The following NHS variants were observed in gnomAD, a reference collection of about 807,000 sequenced individuals.
NHS encodes the protein actin remodeling regulator NHS.
NHS carries 5 observed loss-of-function variants against 72.5 expected under a neutral mutation model. The ratio of observed to expected loss-of-function variants is 0.07; its 90% CI spans 0.04 to 0.14. The LOEUF (loss-of-function observed/expected upper bound fraction) is 0.14. Ranked by LOEUF, NHS falls within the 10% of genes least tolerant of loss-of-function variation. The probability of loss-of-function intolerance (pLI) is 1.00; values close to 1 mark genes in which losing one functional copy is unlikely to be tolerated. For missense variants in NHS, 1,072 were observed against 1,355.7 expected (o/e 0.79, Z 3.29); for synonymous variants, 464 against 547.7 (o/e 0.85, Z 2.13).
intron 8 of NHS, among the ~76,000 whole-genome samples, chrX:17,731,206 T>TA (rs988962996): frequency 3.8e-5 from 4 of 106,514 alleles, no homozygotes; most frequent in Admixed American, 1.0e-4. Context: ...ATAGTTTAGT[T>TA]AGCAGTATAG....
At chrX:17,555,897 C>A (rs1018134048) in intron 1 of NHS, among the ~76,000 whole-genome samples, 1 of 146 alleles carries the variant, frequency 6.8e-3, no homozygotes, top group African/African-American at 0.019. Flanking sequence ...AGGAACAAAC[C>A]GGAGAGAAAA....
At chrX:17,485,261 A>G (rs2064962856) in intron 1 of NHS, among the ~76,000 whole-genome samples, 1 of 112,608 alleles carries the variant, frequency 8.9e-6, no homozygotes, top group South Asian at 3.6e-4. Flanking sequence ...GAGTATTAGG[A>G]AAAATAAACA....
At chrX:17,514,804 G>C (rs913230439) in intron 1 of NHS, among the ~76,000 whole-genome samples, 1 of 111,788 alleles carries the variant, frequency 8.9e-6, no homozygotes. Context: ...TTTCTCCAAG[G>C]TCTGCTGCAC....
At chrX:17,591,861 C>T (rs754258612) in intron 1 of NHS, among the ~76,000 whole-genome samples, 86 of 111,806 alleles carry the variant, frequency 7.7e-4, no homozygotes, top group Non-Finnish European at 1.2e-3. Flanking sequence ...CCAGCAGGCT[C>T]CCTCATTTCC....
At chrX:17,448,011 C>A in intron 1 of NHS, among the ~76,000 whole-genome samples, 2 of 111,723 alleles carry the variant, frequency 1.8e-5, no homozygotes, top group Admixed American at 1.9e-4. Context: ...TCCCAAGTCC[C>A]CTCCTTGTTG....
In NHS at chrX:17,734,073, G is replaced by A. The variant is rs951661910; in HGVS notation, c.*1609G>A. 8 of 112,283 alleles carry A rather than the reference G, an allele frequency of 7.1e-5. No individual in the cohort carries two copies. The highest frequency in any genetic ancestry group is 2.6e-4 in the African/African-American group (8 of 30,801). The allele number at this position is 112,283 out of a possible 1,213,427, so 9.3% of individuals were successfully genotyped here. A position where few individuals can be genotyped will look rare whatever the true frequency, so the allele number is the denominator to read the frequency against. ...TATGTACTTAGAATAGGTTTTGAAT[G>A]GGAGAGGTAGAACAGAGAGAGAATT... On this transcript the variant is annotated 3_prime_UTR_variant, in exon 9 of 9. Coordinates refer to ENST00000676302, the MANE Select transcript of NHS (RefSeq NM_001291867.2).
chrX:17,397,915 G>A (rs192411703), intron 1 of NHS, among the ~76,000 whole-genome samples: 1 of 112,008 alleles, frequency 8.9e-6, no homozygotes, highest in Admixed American at 9.5e-5. Context: ...TAAGGAAGAA[G>A]CTGTCTGTGT....
intron 1 of NHS, among the ~76,000 whole-genome samples, chrX:17,449,581 G>A (rs1420515103): frequency 8.9e-6 from 1 of 112,137 alleles, no homozygotes; most frequent in Non-Finnish European, 1.9e-5. Flanking sequence ...TTTACTGTAT[G>A]TAAGTGATAT....
intron 1 of NHS, among the ~76,000 whole-genome samples, chrX:17,514,018 A>AG (rs1281603183): frequency 8.9e-6 from 1 of 112,059 alleles, no homozygotes; most frequent in Non-Finnish European, 1.9e-5. Flanking sequence ...CAGTGGTGAC[A>AG]GGCAAAGAGA....
At position 17,497,394 on chromosome X, in the gene NHS, C is replaced by A. The variant is rs2065017944; in HGVS notation, c.565+121072C>A. ...TTGAGTCACTTTATCTGCTTGATCA[C>A]TTTTATATTCTGTAGCTTTAAATAT... On this transcript the variant is annotated intron_variant, in intron 1 of 8. Coordinates refer to ENST00000676302, the MANE Select transcript of NHS (RefSeq NM_001291867.2). Among the ~76,000 whole-genome samples the A allele has an allele frequency of 2.7e-5, 3 of 111,820 alleles. No individual in the cohort carries two copies. In the South Asian group the frequency reaches 1.1e-3, roughly 41 times the overall value.
At chrX:17,536,866 C>T (rs1388477054) in intron 1 of NHS, among the ~76,000 whole-genome samples, 1 of 111,479 alleles carries the variant, frequency 9.0e-6, no homozygotes, top group African/African-American at 3.3e-5. Context: ...TCTTTTTTTC[C>T]ATTCTAAGAC....
At chrX:17,692,749 G>T (rs1392112502) in intron 3 of NHS, among the ~76,000 whole-genome samples, 1 of 110,563 alleles carries the variant, frequency 9.0e-6, no homozygotes, top group Admixed American at 9.7e-5. Flanking sequence ...TCAAACCTCG[G>T]TTCTTCTGCT....
chrX:17,475,714 C>T (rs998159314), intron 1 of NHS, among the ~76,000 whole-genome samples: 1 of 112,199 alleles, frequency 8.9e-6, no homozygotes, highest in Non-Finnish European at 1.9e-5. Flanking sequence ...GTGCATGTCA[C>T]ATATGTACAT....
At chrX:17,592,308 G>C (rs1259222015) in intron 1 of NHS, among the ~76,000 whole-genome samples, 1 of 111,782 alleles carries the variant, frequency 8.9e-6, no homozygotes, top group African/African-American at 3.3e-5. Flanking sequence ...TCAGGACTTT[G>C]TTTGTAGAAT....
chrX:17,570,008 G>A (rs1376033698), intron 1 of NHS, among the ~76,000 whole-genome samples: 2 of 111,677 alleles, frequency 1.8e-5, no homozygotes, highest in African/African-American at 6.5e-5. Flanking sequence ...TGAGGCCTCT[G>A]TTCTGTTCCA....
Position 17,734,621 on chromosome X carries a change from G to GA in NHS, c.*2162dup, listed in dbSNP as rs1423770388. On this transcript the variant is annotated 3_prime_UTR_variant, in exon 9 of 9. Transcript: ENST00000676302. ...CAAAATGTCACACTTTTTCTTAAAA[G>GA]AAAAATATTTTGGGGTTTGAATAAA... The GA allele has an allele frequency of 9.0e-6, 1 of 111,543 alleles. No individual in the cohort carries two copies. Among genetic ancestry groups the GA allele is most frequent in the African/African-American group, 3.3e-5 (1 of 30,492 alleles). The allele number at this position is 111,543 out of a possible 1,213,427, so 9.2% of individuals were successfully genotyped here. A position where few individuals can be genotyped will look rare whatever the true frequency, so the allele number is the denominator to read the frequency against.
At chrX:17,615,487 A>G (rs746456503) in intron 1 of NHS, among the ~76,000 whole-genome samples, 2 of 107,023 alleles carry the variant, frequency 1.9e-5, no homozygotes, top group East Asian at 5.9e-4. Flanking sequence ...CCTGGGATCA[A>G]GCCTCCTACC....
chrX:17,623,425 C>G (rs17273802), intron 1 of NHS, among the ~76,000 whole-genome samples: 12 of 110,822 alleles, frequency 1.1e-4, no homozygotes, highest in African/African-American at 3.7e-4. Context: ...TGCTAGACAG[C>G]GAATGAAGCC....
At chrX:17,477,343 T>C (rs1158095661) in intron 1 of NHS, among the ~76,000 whole-genome samples, 1 of 111,468 alleles carries the variant, frequency 9.0e-6, no homozygotes, top group African/African-American at 3.3e-5. Flanking sequence ...GCCCTGAGGC[T>C]GGGGTGTGTG....
Sources: gnomAD v4.1 joint callset for allele counts (sites outside exome capture counted in the v4.1 genomes callset) on GRCh38, gnomAD v4.1.1 for gene constraint, MANE v1.5 for transcripts, NCBI Gene and HGNC (gene_info 2026-07-23, HGNC 2026-07-21) for gene names.